The following ART3 variants were observed in gnomAD, a reference collection of about 807,000 sequenced individuals.
The protein encoded by ART3 is ADP-ribosyltransferase 3 (inactive), also known as ecto-ADP-ribosyltransferase 3.
In ART3, 49 loss-of-function variants were observed where a neutral mutation model predicts 48.5. The observed-to-expected ratio is 1.01, with a 90% CI of 0.80 to 1.28. The LOEUF (loss-of-function observed/expected upper bound fraction) is 1.28, where lower values mean the gene tolerates loss of function less well. Among genes scored for constraint, ART3 ranks in the 50% most tolerant of loss-of-function variants. The pLI, the probability that ART3 is intolerant of heterozygous loss-of-function variation, is 0.00. For synonymous variants in ART3, 145 were observed against 157.2 expected (o/e 0.92, Z 0.58); for missense variants, 438 against 454.3 (o/e 0.96, Z 0.33).
Position 76,075,900 on chromosome 4 carries a change from G to A in ART3, c.11G>A (p.Gly4Glu). 6.2e-7 allele frequency: 1 copy of A among 1,612,138 alleles called. No homozygotes were observed. MKT[G>E]HFEIVTMLLA... Reference sequence around the variant, plus strand: ...ATTTAGAAGAGAAAAATGAAGACGGGACATTTTGAAATAGTCACCATGCTG... The same window carrying A: ...ATTTAGAAGAGAAAAATGAAGACGGAACATTTTGAAATAGTCACCATGCTG... The change falls in exon 2 of 12, where the codon GGA becomes GAA. Residue 4 changes from glycine (G) to glutamate (E), a missense_variant. Around this residue, in one of 3 missense-constraint regions of ART3, gnomAD observed 206 missense variants for 205.3 expected, o/e 1.00. Transcript: ENST00000355810.
intron 1 of ART3, among the ~76,000 whole-genome samples, chr4:76,067,470 A>T (rs371863544): frequency 2.6e-5 from 3 of 116,394 alleles, no homozygotes; most frequent in East Asian, 5.1e-4. Flanking sequence ...CAAAATCTAT[A>T]AAAAAACACT....
chr4:76,077,711 G>A (rs1310749906), intron 2 of ART3, among the ~76,000 whole-genome samples: 9 of 152,154 alleles, frequency 5.9e-5, no homozygotes, highest in Admixed American at 5.9e-4. Context: ...TCTCTTGGGT[G>A]TACACCTAGT....
chr4:76,072,808 A>C (rs923727581), upstream of ART3, among the ~76,000 whole-genome samples: 2 of 151,900 alleles, frequency 1.3e-5, no homozygotes, highest in Admixed American at 6.6e-5. Context: ...CCTGCTTACT[A>C]TTCCTCAAAC....
At chr4:76,055,395 G>A (rs1431456496) in intron 1 of ART3, among the ~76,000 whole-genome samples, 2 of 152,166 alleles carry the variant, frequency 1.3e-5, no homozygotes, top group Non-Finnish European at 2.9e-5. Flanking sequence ...CTGTAAGAAG[G>A]GGCACTGTAA....
intron 11 of ART3, 107 bp from the exon 12 acceptor site, chr4:76,112,279 T>C: frequency 1.5e-6 from 2 of 1,363,036 alleles, no homozygotes; most frequent in Non-Finnish European, 2.0e-6. Context: ...GGTAAGTTTC[T>C]ACTTCAACTT....
chr4:76,015,273 A>G (rs565313706), intron 1 of ART3, among the ~76,000 whole-genome samples: 49 of 152,286 alleles, frequency 3.2e-4, no homozygotes, highest in Non-Finnish European at 5.6e-4. Flanking sequence ...GACAATAACA[A>G]TTGTCAAAGG....
At chr4:76,018,754 A>G (rs766953332) in intron 1 of ART3, among the ~76,000 whole-genome samples, 3 of 152,136 alleles carry the variant, frequency 2.0e-5, no homozygotes, top group Non-Finnish European at 2.9e-5. Flanking sequence ...AGAGCTGAGC[A>G]TGGTGGCTCA....
chr4:76,084,850 C>G (rs1157188205), intron 3 of ART3, among the ~76,000 whole-genome samples: 2 of 152,176 alleles, frequency 1.3e-5, no homozygotes, highest in Admixed American at 6.5e-5. Context: ...TTTGGGCTTT[C>G]CTGAATGTGG....
chr4:76,036,521 A>G (rs1734427206), intron 1 of ART3, among the ~76,000 whole-genome samples: 1 of 152,110 alleles, frequency 6.6e-6, no homozygotes, highest in South Asian at 2.1e-4. Flanking sequence ...ATTTGACACC[A>G]GATGACCTTT....
At chr4:76,090,935 T>C (rs1325224436) in intron 3 of ART3, among the ~76,000 whole-genome samples, 3 of 152,210 alleles carry the variant, frequency 2.0e-5, no homozygotes, top group Non-Finnish European at 2.9e-5. Flanking sequence ...CCCCCAGGCA[T>C]CTACTAATGT....
At chr4:76,029,503 A>C (rs935795822) in intron 1 of ART3, among the ~76,000 whole-genome samples, 1 of 152,192 alleles carries the variant, frequency 6.6e-6, no homozygotes, top group Non-Finnish European at 1.5e-5. Context: ...TGTCTGGTTA[A>C]TAAAATTTGC....
chr4:76,094,729 A>G (rs890397964), intron 3 of ART3, among the ~76,000 whole-genome samples: 2 of 152,184 alleles, frequency 1.3e-5, no homozygotes, highest in African/African-American at 2.4e-5. Flanking sequence ...GGCCTTGGGT[A>G]GTTTTCTAAC....
intron 2 of ART3, among the ~76,000 whole-genome samples, chr4:76,079,068 G>A (rs747057292): frequency 6.6e-5 from 10 of 151,206 alleles, no homozygotes; most frequent in East Asian, 1.9e-4. Flanking sequence ...GCGGCAGAGC[G>A]AGACTCCGTC....
At chr4:76,048,271 C>G (rs1327231393) in intron 1 of ART3, among the ~76,000 whole-genome samples, 1 of 151,848 alleles carries the variant, frequency 6.6e-6, no homozygotes, top group Non-Finnish European at 1.5e-5. Flanking sequence ...TTCCTTCTTA[C>G]AGAAAAGATC....
intron 1 of ART3, among the ~76,000 whole-genome samples, chr4:76,033,411 C>G (rs1199878641): frequency 6.6e-6 from 1 of 152,180 alleles, no homozygotes; most frequent in African/African-American, 2.4e-5. Context: ...ATGGCTGAGT[C>G]CTTGTTGTGG....
intron 8 of ART3, among the ~76,000 whole-genome samples, chr4:76,103,360 T>C (rs1727756063): frequency 6.6e-6 from 1 of 151,170 alleles, no homozygotes; most frequent in Admixed American, 6.6e-5. Flanking sequence ...AGACCCTGTC[T>C]CTCAAAAAAG....
At chr4:76,083,225 C>T (rs774856681) in intron 3 of ART3, among the ~76,000 whole-genome samples, 6 of 152,060 alleles carry the variant, frequency 3.9e-5, no homozygotes, top group Non-Finnish European at 5.9e-5. Context: ...AAATAGCAGT[C>T]GCCAGCCCCA....
intron 1 of ART3, chr4:76,021,762 G>A (rs1732838603): frequency 2.8e-6 from 2 of 703,844 alleles, no homozygotes; most frequent in East Asian, 2.5e-5. Flanking sequence ...CTTCCTACAG[G>A]AGTAGTAGCA....
At chr4:76,053,492 A>G (rs1017259317) in intron 1 of ART3, among the ~76,000 whole-genome samples, 1 of 152,158 alleles carries the variant, frequency 6.6e-6, no homozygotes, top group Admixed American at 6.5e-5. Flanking sequence ...TGTTTTATCT[A>G]TAACCAAATT....
Sources: allele counts gnomAD v4.1 joint callset (sites outside exome capture counted in the v4.1 genomes callset), GRCh38; gene constraint gnomAD v4.1.1; regional missense constraint gnomAD v4.1.1; transcripts MANE v1.5; gene names NCBI Gene and HGNC (gene_info 2026-07-23, HGNC 2026-07-21).